The following PROM1 variants were observed in gnomAD, a reference collection of about 807,000 sequenced individuals.
PROM1 encodes the protein prominin-1.
PROM1 carries 105 observed loss-of-function variants against 116.9 expected under a neutral mutation model. That is an observed-to-expected ratio of 0.90 (90% CI 0.77 to 1.06). The LOEUF (loss-of-function observed/expected upper bound fraction) is 1.06. PROM1 is among the 50% of genes least tolerant of loss of function. The probability of loss-of-function intolerance (pLI) is 0.00; values close to 1 mark genes in which losing one functional copy is unlikely to be tolerated. For synonymous variants in PROM1, 393 were observed against 387.0 expected (o/e 1.02, Z -0.18); for missense variants, 1,122 against 1,045.2 (o/e 1.07, Z -1.01).
chr4:16,053,303 G>A (rs6823548), intron 2 of PROM1, among the ~76,000 whole-genome samples: 18,588 of 152,206 alleles, frequency 0.12, 1,365 homozygotes, highest in East Asian at 0.23. Flanking sequence ...ACCTCTTTCT[G>A]TTTTTCTCTA....
chr4:16,065,573 A>G (rs1973705), intron 2 of PROM1, among the ~76,000 whole-genome samples: 108,911 of 152,014 alleles, frequency 0.72, 39,434 homozygotes, highest in Non-Finnish European at 0.78. Context: ...AGAGCAAGGG[A>G]ACCCAGTCAA....
chr4:15,981,930 T>C (rs1256763229), intron 23 of PROM1, among the ~76,000 whole-genome samples: 1 of 152,144 alleles, frequency 6.6e-6, no homozygotes, highest in African/African-American at 2.4e-5. Flanking sequence ...AAAGCAAGAG[T>C]CTGGAAGTGG....
At chr4:16,019,891 C>CACACACACAT (rs1553912087) in intron 8 of PROM1, among the ~76,000 whole-genome samples, 97 of 151,972 alleles carry the variant, frequency 6.4e-4, no homozygotes, top group Middle Eastern at 3.4e-3. Flanking sequence ...CACACACACA[C>CACACACACAT]ACACACATTT....
At chr4:15,997,809 T>C (rs1225245410) in intron 15 of PROM1, among the ~76,000 whole-genome samples, 1 of 152,170 alleles carries the variant, frequency 6.6e-6, no homozygotes, top group Non-Finnish European at 1.5e-5. Context: ...CAAGTCCAAA[T>C]GATGTGTCAG....
At chr4:16,051,366 T>G (rs1369053684) in intron 2 of PROM1, among the ~76,000 whole-genome samples, 1 of 152,252 alleles carries the variant, frequency 6.6e-6, no homozygotes, top group Non-Finnish European at 1.5e-5. Context: ...TTAGCCACTC[T>G]GTGCCTTCGT....
At chr4:15,984,475 G>GGCT in intron 22 of PROM1, 120 bp from the exon 23 acceptor site, 1 of 681,048 alleles carries the variant, frequency 1.5e-6, no homozygotes, top group Non-Finnish European at 2.4e-6. Flanking sequence ...CTCTAAGACA[G>GGCT]GGGTCCCCAA....
chr4:16,073,591 C>G (rs1043109935), intron 2 of PROM1, among the ~76,000 whole-genome samples: 2 of 152,162 alleles, frequency 1.3e-5, no homozygotes, highest in African/African-American at 4.8e-5. Flanking sequence ...ATTACTTAAG[C>G]AACCTAATAA....
chr4:16,082,469 G>C (rs1745217624), intron 1 of PROM1: 1 of 152,206 alleles, frequency 6.6e-6, no homozygotes, highest in Admixed American at 6.5e-5. Context: ...GCGGGCTCCA[G>C]GAGCAACCTG....
intron 26 of PROM1, among the ~76,000 whole-genome samples, chr4:15,972,662 C>T (rs1714888410): frequency 6.6e-6 from 1 of 152,146 alleles, no homozygotes; most frequent in African/African-American, 2.4e-5. Context: ...AAACAAAGGG[C>T]CTTAGGTGAG....
chr4:16,025,402 A>AGGAGCCC (rs1284275322), intron 5 of PROM1, 90 bp from the exon 6 acceptor site: 9 of 1,498,612 alleles, frequency 6.0e-6, no homozygotes, highest in Non-Finnish European at 8.2e-6. Flanking sequence ...GGAGTCAGGG[A>AGGAGCCC]GGAGCCCGCA....
At chr4:15,977,094 T>C (rs997507555) in intron 26 of PROM1, among the ~76,000 whole-genome samples, 2 of 152,202 alleles carry the variant, frequency 1.3e-5, no homozygotes, top group African/African-American at 4.8e-5. Context: ...TCTCCCCCTT[T>C]TTTTCACAAC....
intron 16 of PROM1, 29 bp downstream of exon 16, chr4:15,993,958 A>C (rs745874039): frequency 1.2e-6 from 2 of 1,607,304 alleles, no homozygotes; most frequent in Non-Finnish European, 1.7e-6. Flanking sequence ...GGAATGTGTT[A>C]TGTCGATTCC....
intron 13 of PROM1, 31 bp downstream of exon 13, chr4:16,006,507 T>C: frequency 6.4e-7 from 1 of 1,553,132 alleles, no homozygotes. Flanking sequence ...GCATTCCCAC[T>C]CCCACATGAC....
At chr4:16,012,065 C>T (rs1307962140) in intron 11 of PROM1, among the ~76,000 whole-genome samples, 5 of 152,010 alleles carry the variant, frequency 3.3e-5, no homozygotes, top group African/African-American at 9.7e-5. Context: ...GGCACGATCT[C>T]GGCTCACTGC....
At chr4:16,046,912 C>G (rs146970750) in intron 2 of PROM1, among the ~76,000 whole-genome samples, 1 of 152,234 alleles carries the variant, frequency 6.6e-6, no homozygotes, top group African/African-American at 2.4e-5. Context: ...CAACCACGCA[C>G]TCCTTCCCAC....
chr4:16,033,586 C>CTTTTTT lies in PROM1; in HGVS notation c.304-83_304-78dup, dbSNP rs60492380. On this transcript the variant is annotated intron_variant, in intron 4 of 27. Coordinates refer to ENST00000447510, the MANE Select transcript of PROM1 (RefSeq NM_006017.3). Reference sequence around the variant, plus strand: ...AGAACATTCCATGGTGTACAAAGTTCTTTTTTTTTTTTTTTTTTTTTGAGA... The same window carrying CTTTTTT: ...AGAACATTCCATGGTGTACAAAGTTCTTTTTTTTTTTTTTTTTTTTTTTTTTTGAGA... 4.0e-3 allele frequency: 1,081 copies of CTTTTTT among 272,520 alleles called. 5 individuals carry two copies. Among genetic ancestry groups the CTTTTTT allele is most frequent in the Non-Finnish European group, 5.0e-3 (833 of 167,860 alleles). The allele number at this position is 272,520 out of a possible 1,614,324, so 16.9% of individuals were successfully genotyped here.
At chr4:16,028,408 G>T (rs1293932980) in intron 5 of PROM1, among the ~76,000 whole-genome samples, 1 of 152,026 alleles carries the variant, frequency 6.6e-6, no homozygotes, top group African/African-American at 2.4e-5. Context: ...AAATATTACC[G>T]TATCTTCCCA....
At chr4:16,016,793 A>G (rs1560493475) in intron 9 of PROM1, among the ~76,000 whole-genome samples, 1 of 152,210 alleles carries the variant, frequency 6.6e-6, no homozygotes, top group Non-Finnish European at 1.5e-5. Flanking sequence ...AAACAACCCT[A>G]AACTGAAGAC....
chr4:16,044,876 G>GA (rs951469879), intron 2 of PROM1, among the ~76,000 whole-genome samples: 8 of 152,110 alleles, frequency 5.3e-5, no homozygotes, highest in African/African-American at 1.9e-4. Flanking sequence ...GACAAGCCCA[G>GA]AAAAAACACA....
Sources: gnomAD v4.1 joint callset for allele counts (sites outside exome capture counted in the v4.1 genomes callset) on GRCh38, gnomAD v4.1.1 for gene constraint, MANE v1.5 for transcripts, NCBI Gene and HGNC (gene_info 2026-07-23, HGNC 2026-07-21) for gene names.